Variants in SLC45A2 observed in about 807,000 individuals in gnomAD.
SLC45A2 encodes the protein solute carrier family 45 member 2.
SLC45A2 carries 36 observed loss-of-function variants against 45.5 expected under a neutral mutation model. That is an observed-to-expected ratio of 0.79 (90% CI 0.61 to 1.04). The LOEUF is 1.04. Ranked by LOEUF, SLC45A2 falls within the 50% of genes least tolerant of loss-of-function variation. SLC45A2 has a pLI of 0.00. For synonymous variants in SLC45A2, 306 were observed against 269.3 expected (o/e 1.14, Z -1.33); for missense variants, 719 against 671.0 (o/e 1.07, Z -0.79).
At chr5:33,967,302 T>C (rs943252224) in intron 2 of SLC45A2, among the ~76,000 whole-genome samples, 11 of 152,222 alleles carry the variant, frequency 7.2e-5, no homozygotes, top group African/African-American at 2.7e-4. Context: ...TATCTCAAAC[T>C]TGGAAAGTGT....
intron 2 of SLC45A2, among the ~76,000 whole-genome samples, chr5:33,974,484 A>G (rs1319816569): frequency 8.6e-5 from 13 of 151,884 alleles, no homozygotes. Context: ...GTTTACTGGG[A>G]TGATTGGATT....
rs535954725 is a variant in SLC45A2, at chr5:33,958,148, C to A, written c.889-3644G>T. On this transcript the variant is annotated intron_variant, in intron 3 of 6. Coordinates refer to ENST00000296589, the MANE Select transcript of SLC45A2 (RefSeq NM_016180.5). Reference sequence around the variant, plus strand: ...GTCATCAGGGAGAAAGAAAACTTCACAAACATACCCTCAAAAGGAGACTAT... The same window carrying A: ...GTCATCAGGGAGAAAGAAAACTTCAAAAACATACCCTCAAAAGGAGACTAT... Among the ~76,000 whole-genome samples, 15 of 152,278 alleles carry A rather than the reference C, an allele frequency of 9.9e-5. No individual in the cohort carries two copies. In the South Asian group the frequency reaches 2.3e-3, roughly 23 times the overall value.
chr5:33,963,585 T>C, intron 3 of SLC45A2, 106 bp downstream of exon 3: 2 of 1,320,976 alleles, frequency 1.5e-6, no homozygotes, highest in South Asian at 1.2e-5. Context: ...TTAGACCCCA[T>C]GAAACTCTTC....
At chr5:33,968,581 G>T (rs1026522364) in intron 2 of SLC45A2, among the ~76,000 whole-genome samples, 1 of 152,200 alleles carries the variant, frequency 6.6e-6, no homozygotes, top group Non-Finnish European at 1.5e-5. Context: ...GATGCAACTT[G>T]AACAGTGGCC....
At chr5:33,951,834 A>G (rs1261725821) in intron 4 of SLC45A2, among the ~76,000 whole-genome samples, 157 bp from the exon 5 acceptor site, 1 of 152,110 alleles carries the variant, frequency 6.6e-6, no homozygotes, top group African/African-American at 2.4e-5. Flanking sequence ...GTCGCATCCT[A>G]TCACATCTTC....
At chr5:33,954,108 A>G (rs1208745015) in intron 4 of SLC45A2, among the ~76,000 whole-genome samples, 1 of 151,952 alleles carries the variant, frequency 6.6e-6, no homozygotes, top group Non-Finnish European at 1.5e-5. Context: ...CACATTAATA[A>G]TGGGAGACTT....
intron 2 of SLC45A2, among the ~76,000 whole-genome samples, chr5:33,975,482 G>A (rs761426180): frequency 2.0e-5 from 3 of 152,082 alleles, no homozygotes; most frequent in South Asian, 2.1e-4. Context: ...GTAAAATTGC[G>A]AGCAGGCATG....
chr5:33,980,462 G>A (rs567941939), intron 2 of SLC45A2, among the ~76,000 whole-genome samples: 1 of 152,276 alleles, frequency 6.6e-6, no homozygotes, highest in African/African-American at 2.4e-5. Context: ...TTCCACATCT[G>A]AAAAATGGGA....
At position 33,964,010 on chromosome 5, in the gene SLC45A2, C is replaced by T. The variant is rs372693322; in HGVS notation, c.569G>A (p.Gly190Glu). ...ACCCAAAAGGTAACCCAGGGCACCTCCAAAACCTGGAAAGCAAGAAAAGCT... is the reference window on the plus strand; with the variant it reads ...ACCCAAAAGGTAACCCAGGGCACCTTCAAAACCTGGAAAGCAAGAAAAGCT... ...LHYHALFTGF[G>E]GALGYLLGAI... is the part of the protein sequence containing the mutation. The change falls in exon 3 of 7, where the codon GGA becomes GAA. Residue 190 changes from glycine to glutamate, a missense_variant. Gly to Glu is a moderately conservative substitution (Grantham distance 98). Transcript: ENST00000296589. 1 of 1,613,680 alleles carries T rather than the reference C, an allele frequency of 6.2e-7. No individual in the cohort carries two copies. Among genetic ancestry groups the T allele is most frequent in the African/African-American group, 1.3e-5 (1 of 74,910 alleles).
intron 5 of SLC45A2, among the ~76,000 whole-genome samples, chr5:33,948,626 C>T (rs965459610): frequency 6.6e-6 from 1 of 152,182 alleles, no homozygotes; most frequent in Non-Finnish European, 1.5e-5. Flanking sequence ...ACATTGCTTC[C>T]TCTATTAAAC....
intron 3 of SLC45A2, among the ~76,000 whole-genome samples, chr5:33,959,981 T>C (rs1302626694): frequency 6.6e-6 from 1 of 152,146 alleles, no homozygotes; most frequent in African/African-American, 2.4e-5. Context: ...TTCTACTGAC[T>C]ATACATAGCA....
At position 33,983,588 on chromosome 5, in the gene SLC45A2, C is replaced by T. The variant is rs192183274; in HGVS notation, c.385+611G>A. Reference sequence around the variant, plus strand: ...CAAATGTGTGCTATTTTTAGCGATCCTTTTTGCAATGCAACTTTATTGTAC... The same window carrying T: ...CAAATGTGTGCTATTTTTAGCGATCTTTTTTGCAATGCAACTTTATTGTAC... On this transcript the variant is annotated intron_variant, in intron 1 of 6. Coordinates refer to ENST00000296589, the MANE Select transcript of SLC45A2 (RefSeq NM_016180.5). 4.0e-4 allele frequency among the ~76,000 whole-genome samples: 61 copies of T among 152,296 alleles called. No homozygotes were observed. The East Asian group carries it at 0.011, about 26-fold the overall frequency.
intron 2 of SLC45A2, among the ~76,000 whole-genome samples, chr5:33,969,065 C>CTCTCTCTCTCTGTG: frequency 3.8e-4 from 39 of 102,466 alleles, no homozygotes; most frequent in African/African-American, 1.0e-3. Flanking sequence ...CTCTCTCTCT[C>CTCTCTCTCTCTGTG]TGTGTGTGTG....
intron 2 of SLC45A2, chr5:33,971,537 C>T (rs1752776464): frequency 3.9e-6 from 1 of 254,534 alleles, no homozygotes; most frequent in African/African-American, 2.3e-5. Flanking sequence ...CTCCCAGGCT[C>T]AGGTGATCCT....
At chr5:33,953,878 A>G (rs1410878618) in intron 4 of SLC45A2, among the ~76,000 whole-genome samples, 4 of 111,582 alleles carry the variant, frequency 3.6e-5, no homozygotes, top group Non-Finnish European at 7.3e-5. Context: ...TACCAAGCCA[A>G]TGGAAAACAA....
At chr5:33,954,265 G>T (rs1752203543) in intron 4 of SLC45A2, 96 bp downstream of exon 4, 2 of 1,544,330 alleles carry the variant, frequency 1.3e-6, no homozygotes, top group Non-Finnish European at 1.8e-6. Context: ...CATTCTTACT[G>T]TGCCAATCTT....
chr5:33,983,723 G>A (rs961969965), intron 1 of SLC45A2, among the ~76,000 whole-genome samples: 4 of 152,236 alleles, frequency 2.6e-5, no homozygotes, highest in African/African-American at 9.6e-5. Context: ...CTCTTGAGCT[G>A]ATGGGCTTAT....
chr5:33,947,224 C>A lies in SLC45A2; in HGVS notation c.1307G>T (p.Ser436Ile). 3 of 1,614,232 alleles carry A rather than the reference C, an allele frequency of 1.9e-6. No individual in the cohort carries two copies. The highest frequency in any genetic ancestry group is 2.5e-6 in the Non-Finnish European group (3 of 1,180,038). ...GTTAAAGGGCACAGTGTACAGGGTG[C>A]TGGACATTACACCAAACAGGCTGCA... ...VLCSLFGVMS[S>I]TLYTVPFNLI... Residue 436 changes from serine (S) to isoleucine (I), a missense_variant, in exon 6 of 7, where the codon AGC becomes ATC. Ser to Ile is a moderately radical substitution (Grantham distance 142). Coordinates refer to ENST00000296589, the MANE Select transcript of SLC45A2 (RefSeq NM_016180.5).
intron 4 of SLC45A2, among the ~76,000 whole-genome samples, chr5:33,954,068 G>C (rs988650264): frequency 2.8e-4 from 42 of 151,244 alleles, no homozygotes; most frequent in Non-Finnish European, 4.4e-4. Context: ...AGCAAGTCCT[G>C]AGTGACCTAC....
Sources: allele counts gnomAD v4.1 joint callset (sites outside exome capture counted in the v4.1 genomes callset), GRCh38; gene constraint gnomAD v4.1.1; transcripts MANE v1.5; gene names NCBI Gene and HGNC (gene_info 2026-07-23, HGNC 2026-07-21).